The following LRRTM4 variants were observed in gnomAD, a reference collection of about 807,000 sequenced individuals.
LRRTM4 encodes the protein leucine-rich repeat transmembrane neuronal protein 4.
Under a neutral mutation model 47.6 loss-of-function variants are expected in LRRTM4, and 25 were observed. The ratio of observed to expected loss-of-function variants is 0.53; its 90% confidence interval spans 0.38 to 0.73. The LOEUF is 0.73. Among genes scored for constraint, LRRTM4 ranks in the 30% least tolerant of loss-of-function variants. The pLI is 0.00. For synonymous variants in LRRTM4, 311 were observed against 269.5 expected, an observed-to-expected ratio of 1.15 and a Z score of -1.51; for missense variants, 638 against 713.4, an observed-to-expected ratio of 0.89 and a Z score of 1.20.
At chr2:76,897,422 A>T (rs1929455) in intron 3 of LRRTM4, among the ~76,000 whole-genome samples, 22,097 of 152,116 alleles carry the variant, frequency 0.15, 2,029 homozygotes, top group Admixed American at 0.22. Context: ...ACAAAAATGA[A>T]TCAACTTCAA....
chr2:77,389,624 C>A (rs762787301), intron 3 of LRRTM4, among the ~76,000 whole-genome samples: 1 of 152,194 alleles, frequency 6.6e-6, no homozygotes, highest in Non-Finnish European at 1.5e-5. Flanking sequence ...GGCTGATTAT[C>A]TCAAAGACAC....
chr2:76,773,837 C>A (rs369079926), intron 3 of LRRTM4, among the ~76,000 whole-genome samples: 1 of 149,894 alleles, frequency 6.7e-6, no homozygotes, highest in Admixed American at 6.6e-5. Flanking sequence ...GACAAAATTA[C>A]GAATAATGGT....
intron 3 of LRRTM4, among the ~76,000 whole-genome samples, chr2:77,005,653 T>C (rs914040487): frequency 1.3e-5 from 2 of 152,182 alleles, no homozygotes; most frequent in Admixed American, 1.3e-4. Context: ...TAAGAGCTGA[T>C]GGTTTTATAA....
At chr2:76,792,056 C>T in intron 3 of LRRTM4, among the ~76,000 whole-genome samples, 1 of 152,068 alleles carries the variant, frequency 6.6e-6, no homozygotes, top group Admixed American at 6.5e-5. Context: ...TTTATCTAAG[C>T]ATGCAAACCT....
intron 3 of LRRTM4, among the ~76,000 whole-genome samples, chr2:77,210,447 GAAGTA>G (rs967581032): frequency 1.3e-5 from 2 of 151,964 alleles, no homozygotes; most frequent in Admixed American, 1.3e-4. Context: ...AATAGTTTAG[GAAGTA>G]AAAACAAAAA....
At chr2:76,861,501 C>G (rs1409243682) in intron 3 of LRRTM4, among the ~76,000 whole-genome samples, 3 of 152,074 alleles carry the variant, frequency 2.0e-5, no homozygotes, top group Admixed American at 1.3e-4. Flanking sequence ...CTATTGTGAG[C>G]AGTACTTTGC....
intron 3 of LRRTM4, among the ~76,000 whole-genome samples, chr2:76,969,702 A>G (rs1341101041): frequency 1.3e-5 from 2 of 152,004 alleles, no homozygotes; most frequent in Non-Finnish European, 2.9e-5. Context: ...GACGATGATT[A>G]AGATACTGGT....
rs752749316 is a variant in LRRTM4, at chr2:77,100,846, C to CTT, written c.1552-351932_1552-351931dup. 2.1e-3 allele frequency among the ~76,000 whole-genome samples: 254 copies of CTT among 122,966 alleles called. 5 individuals carry two copies. In the East Asian group the frequency reaches 0.028, roughly 14 times the overall value. The allele number at this position is 122,966 out of a possible 152,430, so 80.7% of individuals were successfully genotyped here. On this transcript the variant is annotated intron_variant, in intron 3 of 3. Transcript: ENST00000409884. ...AGCTTCTATTAAAGTAGCTCTGATT[C>CTT]TTTTTTTTTTTTTTTTTTTGTGACA... is the stretch of plus-strand genomic sequence containing the variant.
At chr2:76,928,382 G>A (rs981217416) in intron 3 of LRRTM4, among the ~76,000 whole-genome samples, 1 of 152,096 alleles carries the variant, frequency 6.6e-6, no homozygotes, top group Non-Finnish European at 1.5e-5. Context: ...ACAAGTGCAG[G>A]ACTAGAGGCT....
chr2:76,788,613 C>T (rs1674804290), intron 3 of LRRTM4, among the ~76,000 whole-genome samples: 1 of 152,072 alleles, frequency 6.6e-6, no homozygotes, highest in Non-Finnish European at 1.5e-5. Flanking sequence ...CAAGTTTAAG[C>T]TTAGATCAAA....
chr2:77,196,641 T>G (rs1047950234), intron 3 of LRRTM4, among the ~76,000 whole-genome samples: 3 of 152,110 alleles, frequency 2.0e-5, no homozygotes, highest in African/African-American at 4.8e-5. Flanking sequence ...CTTAGTAGGC[T>G]GAGGCAGGAG....
chr2:77,514,217 C>A (rs566825993), intron 3 of LRRTM4, among the ~76,000 whole-genome samples: 2 of 152,126 alleles, frequency 1.3e-5, no homozygotes, highest in African/African-American at 2.4e-5. Context: ...TTTTCTATAG[C>A]TGTATGTCGA....
chr2:77,432,683 A>G (rs1675431722), intron 3 of LRRTM4, among the ~76,000 whole-genome samples: 1 of 152,210 alleles, frequency 6.6e-6, no homozygotes, highest in Admixed American at 6.5e-5. Flanking sequence ...AGCTAGAGAT[A>G]GGTAAAGAGA....
intron 3 of LRRTM4, among the ~76,000 whole-genome samples, chr2:77,495,921 G>T (rs1245797001): frequency 6.6e-6 from 1 of 151,860 alleles, no homozygotes; most frequent in Non-Finnish European, 1.5e-5. Flanking sequence ...CAAAAAGGAG[G>T]CTGCTTAGAC....
At chr2:77,508,297 G>A (rs532979103) in intron 3 of LRRTM4, among the ~76,000 whole-genome samples, 9 of 152,250 alleles carry the variant, frequency 5.9e-5, no homozygotes, top group East Asian at 3.9e-4. Context: ...GAAGTGACAC[G>A]AATTCTTGGA....
At chr2:77,475,471 G>A (rs1266994660) in intron 3 of LRRTM4, among the ~76,000 whole-genome samples, 2 of 151,888 alleles carry the variant, frequency 1.3e-5, no homozygotes, top group African/African-American at 4.8e-5. Context: ...TTTTAAATAA[G>A]CACATAGTGT....
At chr2:77,101,707 A>G (rs921515861) in intron 3 of LRRTM4, among the ~76,000 whole-genome samples, 1 of 152,240 alleles carries the variant, frequency 6.6e-6, no homozygotes, top group Non-Finnish European at 1.5e-5. Context: ...GGATTCAGAT[A>G]ACGTTATCAG....
chr2:77,477,804 A>G (rs1003568937), intron 3 of LRRTM4, among the ~76,000 whole-genome samples: 1 of 145,852 alleles, frequency 6.9e-6, no homozygotes, highest in African/African-American at 2.5e-5. Context: ...GCACCATCAC[A>G]CTCCAGCCTG....
chr2:77,250,088 A>C (rs1331511866), intron 3 of LRRTM4, among the ~76,000 whole-genome samples: 4 of 152,176 alleles, frequency 2.6e-5, no homozygotes, highest in Non-Finnish European at 5.9e-5. Context: ...ATACTGTATG[A>C]TTCTAACTAC....
Sources: gnomAD v4.1 joint callset for allele counts (sites outside exome capture counted in the v4.1 genomes callset) on GRCh38, gnomAD v4.1.1 for gene constraint, MANE v1.5 for transcripts, NCBI Gene and HGNC (gene_info 2026-07-23, HGNC 2026-07-21) for gene names.